The following SAMD13 variants were observed in gnomAD, a reference collection of about 807,000 sequenced individuals.
The protein encoded by SAMD13 is sterile alpha motif domain-containing protein 13.
In SAMD13, 9 loss-of-function variants were observed where a neutral mutation model predicts 12.4. The observed-to-expected ratio is 0.72, with a 90% CI of 0.44 to 1.26. SAMD13 has a LOEUF of 1.26. SAMD13 is among the 50% of genes most tolerant of loss of function. The pLI is 0.00. For synonymous variants in SAMD13, 46 were observed against 45.4 expected (o/e 1.01, Z -0.05); for missense variants, 84 against 119.6 (o/e 0.70, Z 1.39).
chr1:84,325,770 C>CGTGATGAACAT (rs1679046300), intron 3 of SAMD13, 22 bp downstream of exon 3: 1 of 1,423,176 alleles, frequency 7.0e-7, no homozygotes, highest in African/African-American at 1.4e-5. Context: ...TAGAGAAACA[C>CGTGATGAACAT]GTGATGAACA....
At chr1:84,305,624 A>G (rs554761821) in intron 2 of SAMD13, among the ~76,000 whole-genome samples, 5 of 152,226 alleles carry the variant, frequency 3.3e-5, no homozygotes, top group South Asian at 2.1e-4. Context: ...TAGAAGTTTC[A>G]CAATTTTAGG....
At chr1:84,302,895 G>A (rs1460004560) in intron 1 of SAMD13, 1 of 246,786 alleles carries the variant, frequency 4.1e-6, no homozygotes. Context: ...TTAAGTGAGA[G>A]CTAGGCACCC....
At chr1:84,313,825 T>TA (rs879617459) in intron 2 of SAMD13, among the ~76,000 whole-genome samples, 7 of 152,016 alleles carry the variant, frequency 4.6e-5, no homozygotes, top group African/African-American at 1.2e-4. Context: ...AGCAAAGGCA[T>TA]AAAAAAAATT....
chr1:84,298,675 C>G, upstream of SAMD13: 7 of 1,057,084 alleles, frequency 6.6e-6, no homozygotes, highest in Non-Finnish European at 8.5e-6. Context: ...TCTGCCCTCC[C>G]AAAAACACAT....
chr1:84,343,580 T>C (rs1230662386), intron 3 of SAMD13, among the ~76,000 whole-genome samples: 1 of 152,180 alleles, frequency 6.6e-6, no homozygotes, highest in Non-Finnish European at 1.5e-5. Flanking sequence ...TGGAAGCCAT[T>C]ATCCTCAGCA....
intron 3 of SAMD13, among the ~76,000 whole-genome samples, chr1:84,326,645 G>A (rs1006774876): frequency 6.6e-6 from 1 of 152,132 alleles, no homozygotes; most frequent in East Asian, 1.9e-4. Flanking sequence ...CTCTACCAAC[G>A]AAGGCTGCAG....
intron 2 of SAMD13, among the ~76,000 whole-genome samples, chr1:84,321,518 A>G (rs977286263): frequency 6.6e-6 from 1 of 152,212 alleles, no homozygotes; most frequent in Admixed American, 6.5e-5. Flanking sequence ...CATTTTATCA[A>G]TGCAAAATTA....
chr1:84,332,395 ATC>A (rs1679210996), intron 3 of SAMD13, among the ~76,000 whole-genome samples: 1 of 152,172 alleles, frequency 6.6e-6, no homozygotes, highest in African/African-American at 2.4e-5. Flanking sequence ...CCTCACCAGC[ATC>A]TGTTTTTATT....
chr1:84,318,017 A>G (rs1320173330), intron 2 of SAMD13, among the ~76,000 whole-genome samples: 3 of 152,054 alleles, frequency 2.0e-5, no homozygotes, highest in African/African-American at 2.4e-5. Flanking sequence ...CTTCTGTAGC[A>G]TCAGTTGTAA....
upstream of SAMD13, among the ~76,000 whole-genome samples, chr1:84,299,986 G>C (rs1193406235): frequency 1.1e-4 from 17 of 152,084 alleles, 1 homozygote; most frequent in Non-Finnish European, 2.5e-4. Context: ...CAGTTTCTTT[G>C]CCTTTTCCCC....
At chr1:84,317,831 T>A (rs991800073) in intron 2 of SAMD13, among the ~76,000 whole-genome samples, 8 of 152,140 alleles carry the variant, frequency 5.3e-5, no homozygotes, top group African/African-American at 1.9e-4. Context: ...TGGGCTTTTC[T>A]TGTATGGAAG....
At chr1:84,316,263 CT>C (rs34845116) in intron 2 of SAMD13, among the ~76,000 whole-genome samples, 136,895 of 152,040 alleles carry the variant, frequency 0.9, 61,972 homozygotes, top group Non-Finnish European at 0.97. Context: ...GTTGCCTATG[CT>C]TTTTGGTGTC....
At chr1:84,316,728 AT>A (rs936466628) in intron 2 of SAMD13, among the ~76,000 whole-genome samples, 13 of 151,814 alleles carry the variant, frequency 8.6e-5, no homozygotes, top group Non-Finnish European at 1.8e-4. Context: ...GAATATTAGA[AT>A]TTTTTTTCTA....
chr1:84,307,898 C>G (rs1310953081), intron 2 of SAMD13, among the ~76,000 whole-genome samples: 2 of 152,116 alleles, frequency 1.3e-5, no homozygotes, highest in Admixed American at 1.3e-4. Flanking sequence ...AAGACTCATT[C>G]CCTCTAAACC....
intron 3 of SAMD13, among the ~76,000 whole-genome samples, chr1:84,330,915 A>G (rs1464331271): frequency 9.2e-5 from 14 of 152,184 alleles, no homozygotes; most frequent in Admixed American, 9.2e-4. Context: ...ACTCAAGGTG[A>G]CAAATTAATT....
At chr1:84,328,514 T>C (rs1482587359) in intron 3 of SAMD13, among the ~76,000 whole-genome samples, 1 of 152,118 alleles carries the variant, frequency 6.6e-6, no homozygotes, top group Non-Finnish European at 1.5e-5. Flanking sequence ...CAAATATCGT[T>C]TCTCCTTTTC....
At chr1:84,325,776 G>A in intron 3 of SAMD13, 28 bp downstream of exon 3, 1 of 1,384,924 alleles carries the variant, frequency 7.2e-7, no homozygotes, top group Non-Finnish European at 1.0e-6. Context: ...AACACGTGAT[G>A]AACATGTGAT....
chr1:84,309,191 C>T (rs919064387), intron 2 of SAMD13, among the ~76,000 whole-genome samples: 2 of 151,994 alleles, frequency 1.3e-5, no homozygotes, highest in Admixed American at 6.6e-5. Context: ...GAAGTTTGAA[C>T]CTGGCTCTTC....
intron 3 of SAMD13, among the ~76,000 whole-genome samples, chr1:84,330,256 A>G (rs1407926320): frequency 1.3e-5 from 2 of 152,206 alleles, no homozygotes; most frequent in Non-Finnish European, 2.9e-5. Flanking sequence ...CTCCTGCTTT[A>G]AGAGTCAAAA....
Sources: allele counts gnomAD v4.1 joint callset (sites outside exome capture counted in the v4.1 genomes callset), GRCh38; gene constraint gnomAD v4.1.1; transcripts MANE v1.5; gene names NCBI Gene and HGNC (gene_info 2026-07-23, HGNC 2026-07-21).